MYO5C: variants seen among roughly 807,000 people sequenced by gnomAD.
MYO5C encodes myosin VC.
In MYO5C, 194 loss-of-function variants were observed where a neutral mutation model predicts 235.7. That is an observed-to-expected ratio of 0.82 (90% CI 0.73 to 0.93). The LOEUF is 0.93. MYO5C is among the 40% of genes least tolerant of loss of function. The pLI, the probability that MYO5C is intolerant of heterozygous loss-of-function variation, is 0.00. For missense variants in MYO5C, 2,038 were observed against 2,127.2 expected, an observed-to-expected ratio of 0.96 and a Z score of 0.82; for synonymous variants, 707 against 754.8, an observed-to-expected ratio of 0.94 and a Z score of 1.04.
chr15:52,215,957 C>T (rs2035542352), intron 32 of MYO5C, among the ~76,000 whole-genome samples: 1 of 151,962 alleles, frequency 6.6e-6, no homozygotes, highest in Admixed American at 6.6e-5. Context: ...CTTTTTTTCT[C>T]TATGATTAAT....
chr15:52,194,473 C>T (rs1261671764), intron 40 of MYO5C, among the ~76,000 whole-genome samples: 4 of 151,988 alleles, frequency 2.6e-5, no homozygotes, highest in Non-Finnish European at 5.9e-5. Context: ...TGACTGAGGC[C>T]CCAAAAGCTT....
chr15:52,228,438 G>A (rs1210966095), intron 25 of MYO5C, among the ~76,000 whole-genome samples: 4 of 152,038 alleles, frequency 2.6e-5, no homozygotes, highest in South Asian at 2.1e-4. Flanking sequence ...CACCGTGCCC[G>A]GCAGGTAACA....
chr15:52,285,814 C>T (rs1022433985), intron 1 of MYO5C, among the ~76,000 whole-genome samples: 5 of 152,320 alleles, frequency 3.3e-5, no homozygotes, highest in African/African-American at 7.2e-5. Context: ...GATCTCGGCT[C>T]GCTACAACCT....
rs576775316 is a variant in MYO5C, at chr15:52,259,269, A to T, written c.1313+1593T>A. Among the ~76,000 whole-genome samples, 36 of 152,226 alleles carry T rather than the reference A, an allele frequency of 2.4e-4. 1 individual carries two copies. In the South Asian group the frequency reaches 6.6e-3, roughly 28 times the overall value. Reference sequence around the variant, plus strand: ...CCCAGTCTCTACTAAAAATAAAAAAAATCAGCCGGGCGTAGTGGCAGGTGC... The same window carrying T: ...CCCAGTCTCTACTAAAAATAAAAAATATCAGCCGGGCGTAGTGGCAGGTGC... On this transcript the variant is annotated intron_variant, in intron 10 of 40. Coordinates refer to ENST00000261839, the MANE Select transcript of MYO5C (RefSeq NM_018728.4).
chr15:52,218,480 C>T lies in MYO5C; in HGVS notation c.3954+39G>A, dbSNP rs767352122. On this transcript the variant is annotated intron_variant, in intron 32 of 40. Coordinates refer to ENST00000261839, the MANE Select transcript of MYO5C (RefSeq NM_018728.4). ...GTCCCCCCTTTCAGCAACATCTGCA[C>T]ACAGACAGTCTTTATCACCAAGTTA... The T allele has an allele frequency of 1.1e-5, 18 of 1,602,004 alleles. No homozygotes were observed. In the South Asian group the frequency reaches 2.0e-4, roughly 18 times the overall value.
intron 1 of MYO5C, among the ~76,000 whole-genome samples, chr15:52,286,838 G>A (rs920119775): frequency 3.3e-5 from 5 of 150,930 alleles, no homozygotes; most frequent in Admixed American, 1.3e-4. Context: ...AGGAAAACCA[G>A]AGACCTCTGT....
At chr15:52,288,683 CA>C (rs2037325501) in intron 1 of MYO5C, among the ~76,000 whole-genome samples, 1 of 152,218 alleles carries the variant, frequency 6.6e-6, no homozygotes, top group South Asian at 2.1e-4. Flanking sequence ...GTCCGCAGTT[CA>C]TGCAAACAAT....
chr15:52,284,769 T>C (rs1016111266), intron 1 of MYO5C, among the ~76,000 whole-genome samples: 3 of 151,994 alleles, frequency 2.0e-5, no homozygotes, highest in African/African-American at 7.2e-5. Context: ...ACAATGAATA[T>C]GGTAGAATGT....
chr15:52,212,523 G>T (rs1046736485), intron 34 of MYO5C, among the ~76,000 whole-genome samples: 5 of 152,206 alleles, frequency 3.3e-5, no homozygotes, highest in African/African-American at 1.2e-4. Context: ...GGGGTCACTC[G>T]CAGAAGAGGA....
At chr15:52,233,955 C>A (rs911319171) in intron 23 of MYO5C, among the ~76,000 whole-genome samples, 2 of 152,076 alleles carry the variant, frequency 1.3e-5, no homozygotes, top group Non-Finnish European at 2.9e-5. Flanking sequence ...GTTTGTCTAA[C>A]ATAGTGCCAA....
intron 35 of MYO5C, among the ~76,000 whole-genome samples, chr15:52,210,527 AAAAG>A (rs1412955439): frequency 2.0e-5 from 3 of 152,150 alleles, no homozygotes; most frequent in East Asian, 1.9e-4. Context: ...ATTTCCTAGA[AAAAG>A]AGAGAGAGAG....
intron 4 of MYO5C, among the ~76,000 whole-genome samples, 158 bp from the exon 5 acceptor site, chr15:52,275,876 T>A (rs999090960): frequency 6.6e-6 from 1 of 152,230 alleles, no homozygotes; most frequent in African/African-American, 2.4e-5. Flanking sequence ...TTTTTTTCTA[T>A]GTGATCGTGC....
intron 1 of MYO5C, among the ~76,000 whole-genome samples, chr15:52,285,194 C>G (rs982298869): frequency 6.6e-6 from 1 of 152,070 alleles, no homozygotes; most frequent in Non-Finnish European, 1.5e-5. Flanking sequence ...ATGGTGAAAC[C>G]CTGTCTCTAC....
intron 34 of MYO5C, among the ~76,000 whole-genome samples, chr15:52,212,909 G>A (rs2035478651): frequency 6.6e-6 from 1 of 152,212 alleles, no homozygotes; most frequent in South Asian, 2.1e-4. Flanking sequence ...GGCCCCCACA[G>A]GACATTCGGC....
At chr15:52,235,883 G>T (rs8031357) in intron 22 of MYO5C, 120 bp from the exon 23 acceptor site, 5 of 630,476 alleles carry the variant, frequency 7.9e-6, no homozygotes, top group African/African-American at 7.4e-5. Context: ...CTCAGCTCCT[G>T]TCTATAGATA....
chr15:52,279,363 T>C (rs914581195), intron 3 of MYO5C, 146 bp downstream of exon 3: 3 of 766,664 alleles, frequency 3.9e-6, no homozygotes, highest in Non-Finnish European at 2.0e-6. Flanking sequence ...CCAGTCTTAG[T>C]TCTTGTTGAA....
intron 9 of MYO5C, among the ~76,000 whole-genome samples, chr15:52,261,466 T>TG (rs1219617338): frequency 1.3e-5 from 2 of 152,218 alleles, no homozygotes; most frequent in African/African-American, 4.8e-5. Flanking sequence ...CCTGTTCCTG[T>TG]GGATGTGGAT....
chr15:52,261,198 G>T (rs2036688466), intron 9 of MYO5C, 71 bp from the exon 10 acceptor site: 1 of 1,547,726 alleles, frequency 6.5e-7, no homozygotes, highest in South Asian at 1.2e-5. Context: ...CCCGGCCAAG[G>T]CCCCCGTGCC....
intron 36 of MYO5C, among the ~76,000 whole-genome samples, chr15:52,207,649 CAA>C (rs1052191075): frequency 6.6e-6 from 1 of 152,012 alleles, no homozygotes; most frequent in African/African-American, 2.4e-5. Flanking sequence ...TCTTAAGACA[CAA>C]ATCATAAAAG....
Sources: gnomAD v4.1 joint callset for allele counts (sites outside exome capture counted in the v4.1 genomes callset) on GRCh38, gnomAD v4.1.1 for gene constraint, MANE v1.5 for transcripts, NCBI Gene and HGNC (gene_info 2026-07-23, HGNC 2026-07-21) for gene names.